TMEM154: variants seen among roughly 807,000 people sequenced by gnomAD.
TMEM154 encodes the protein transmembrane protein 154.
Under a neutral mutation model 24.5 loss-of-function variants are expected in TMEM154, and 27 were observed. That is an observed-to-expected ratio of 1.10 (90% CI 0.81 to 1.52). The LOEUF (loss-of-function observed/expected upper bound fraction) is 1.52, where lower values mean the gene tolerates loss of function less well. Among genes scored for constraint, TMEM154 ranks in the 40% most tolerant of loss-of-function variants. The pLI, the probability that TMEM154 is intolerant of heterozygous loss-of-function variation, is 0.00. For synonymous variants in TMEM154, 67 were observed against 76.8 expected (o/e 0.87, Z 0.67); for missense variants, 228 against 213.4 (o/e 1.07, Z -0.43).
chr4:152,658,904 A>G (rs375716092), intron 1 of TMEM154, among the ~76,000 whole-genome samples: 1 of 152,124 alleles, frequency 6.6e-6, no homozygotes, highest in Non-Finnish European at 1.5e-5. Context: ...ACTCTTACAC[A>G]CTGTTGGTGG....
chr4:152,641,932 T>TTTTTTTG, intron 5 of TMEM154, among the ~76,000 whole-genome samples: 1 of 120,254 alleles, frequency 8.3e-6, no homozygotes, highest in Non-Finnish European at 1.9e-5. Context: ...TTTTTTTTTT[T>TTTTTTTG]TTTTTGTTGA....
chr4:152,650,595 T>C (rs1728358852), intron 3 of TMEM154, among the ~76,000 whole-genome samples: 1 of 152,210 alleles, frequency 6.6e-6, no homozygotes, highest in Non-Finnish European at 1.5e-5. Flanking sequence ...ATACTGTTGA[T>C]GTTGATATTT....
intron 3 of TMEM154, among the ~76,000 whole-genome samples, chr4:152,650,025 C>T (rs191250364): frequency 2.0e-5 from 3 of 152,176 alleles, no homozygotes; most frequent in East Asian, 1.9e-4. Context: ...CTGAGCCTTC[C>T]GCAAGTTGTA....
At chr4:152,646,212 T>A (rs1285585591) in intron 3 of TMEM154, among the ~76,000 whole-genome samples, 2 of 152,058 alleles carry the variant, frequency 1.3e-5, no homozygotes, top group Admixed American at 1.3e-4. Context: ...CATGGATATA[T>A]CTTTATAATC....
At chr4:152,678,561 T>G (rs1728996090) in intron 1 of TMEM154, among the ~76,000 whole-genome samples, 22 of 146,646 alleles carry the variant, frequency 1.5e-4, no homozygotes, top group Admixed American at 2.7e-4. Context: ...TGGTGGGGGG[T>G]GGAGGAGCTC....
chr4:152,641,104 G>C (rs1388563420), intron 5 of TMEM154, 119 bp from the exon 6 acceptor site: 2 of 847,144 alleles, frequency 2.4e-6, no homozygotes, highest in Non-Finnish European at 3.6e-6. Flanking sequence ...CACAAAAATG[G>C]CCTCACCAAG....
chr4:152,654,986 A>T (rs1728461946), intron 1 of TMEM154, among the ~76,000 whole-genome samples: 2 of 152,364 alleles, frequency 1.3e-5, no homozygotes, highest in East Asian at 3.9e-4. Context: ...ACTACAGAGT[A>T]AACTCACTGG....
At chr4:152,634,336 T>C (rs1752107572) in intron 6 of TMEM154, among the ~76,000 whole-genome samples, 1 of 152,238 alleles carries the variant, frequency 6.6e-6, no homozygotes, top group Non-Finnish European at 1.5e-5. Flanking sequence ...TCTCCAAAGA[T>C]GGCAATAAAC....
At chr4:152,637,271 T>G (rs1158777232) in intron 6 of TMEM154, among the ~76,000 whole-genome samples, 2 of 152,112 alleles carry the variant, frequency 1.3e-5, no homozygotes, top group East Asian at 3.8e-4. Context: ...TACTGCCGGG[T>G]GCGGTGTCTC....
chr4:152,652,725 G>C lies in TMEM154; in HGVS notation c.267C>G (p.Leu89=), dbSNP rs1312155490. ...CAAGGAATACCACGGATAAAAGTAAGAGGACCAATAAAATCAATGGGATTA... is the reference window on the plus strand; with the variant it reads ...CAAGGAATACCACGGATAAAAGTAACAGGACCAATAAAATCAATGGGATTA... ...MVLIPLILLV[L]LLLSVVFLAT... is the part of the protein sequence containing the mutation. Residue 89 remains leucine (L), a synonymous_variant, in exon 2 of 7, where the codon CTC becomes CTG. Coordinates refer to ENST00000304385, the MANE Select transcript of TMEM154 (RefSeq NM_152680.3). 3 of 1,613,984 alleles carry C rather than the reference G, an allele frequency of 1.9e-6. No homozygotes were observed. The Admixed American group carries it at 5.0e-5, about 27-fold the overall frequency.
chr4:152,636,204 A>C (rs1052013343), intron 6 of TMEM154, among the ~76,000 whole-genome samples: 1 of 152,222 alleles, frequency 6.6e-6, no homozygotes, highest in Non-Finnish European at 1.5e-5. Context: ...TAAAACAATA[A>C]TAAAACCAAC....
intron 6 of TMEM154, among the ~76,000 whole-genome samples, chr4:152,636,051 CAGA>C (rs1460148966): frequency 6.6e-6 from 1 of 152,086 alleles, no homozygotes; most frequent in Non-Finnish European, 1.5e-5. Context: ...CAAATGCCTC[CAGA>C]AGAAGGAAGA....
chr4:152,647,736 G>A (rs149030516), intron 3 of TMEM154, among the ~76,000 whole-genome samples: 3 of 152,280 alleles, frequency 2.0e-5, no homozygotes, highest in African/African-American at 4.8e-5. Flanking sequence ...GTTAGGTAAA[G>A]GGATGATAAT....
rs568953719 is a variant in TMEM154 at position 152,650,769 on chromosome 4, C to T, written c.364+1769G>A. Among the ~76,000 whole-genome samples, 16 of 152,262 alleles carry T rather than the reference C, an allele frequency of 1.1e-4. No homozygotes were observed. The South Asian group carries it at 3.3e-3, about 32-fold the overall frequency. On this transcript the variant is annotated intron_variant, in intron 3 of 6. Transcript: ENST00000304385. ...ATAAGACTTGAAATTCAAAATGACT[C>T]CTTAATCCATGGGCTGCAGAATGGA...
intron 1 of TMEM154, among the ~76,000 whole-genome samples, chr4:152,654,171 A>T (rs938059314): frequency 6.6e-6 from 1 of 152,236 alleles, no homozygotes; most frequent in Admixed American, 6.5e-5. Flanking sequence ...GATAAGCTGA[A>T]GGTCTTTGTC....
At chr4:152,677,363 C>T (rs982000215) in intron 1 of TMEM154, among the ~76,000 whole-genome samples, 1 of 152,160 alleles carries the variant, frequency 6.6e-6, no homozygotes, top group Admixed American at 6.5e-5. Flanking sequence ...ATTTGAGATA[C>T]ATCTCAGAGT....
intron 6 of TMEM154, among the ~76,000 whole-genome samples, chr4:152,638,606 G>C (rs148506906): frequency 6.6e-6 from 1 of 152,328 alleles, no homozygotes; most frequent in East Asian, 1.9e-4. Flanking sequence ...AATTATACTA[G>C]CAATAACCAG....
intron 1 of TMEM154, among the ~76,000 whole-genome samples, chr4:152,679,067 A>C (rs879398406): frequency 4.6e-5 from 7 of 152,234 alleles, no homozygotes; most frequent in Non-Finnish European, 7.3e-5. Flanking sequence ...TATTTGCCCA[A>C]AGGCAAGTCA....
In TMEM154 at chr4:152,652,835, T is replaced by A. The variant is rs1458172072; in HGVS notation, c.157A>T (p.Thr53Ser). 6.2e-7 allele frequency: 1 copy of A among 1,614,098 alleles called. No homozygotes were observed. Among genetic ancestry groups the A allele is most frequent in the Admixed American group, 1.7e-5 (1 of 60,028 alleles). The change falls in exon 2 of 7, where the codon ACC becomes TCC. Residue 53 changes from threonine to serine, a missense_variant. Transcript: ENST00000304385. ...VTIPSTFAAVTIKETLNANIN... is the reference protein window; with the variant it reads ...VTIPSTFAAVSIKETLNANIN... ...TTTGCATTTAATGTTTCTTTGATGG[T>A]CACTGCAGCAAATGTGCTTGGAATA...
Sources: allele counts gnomAD v4.1 joint callset (sites outside exome capture counted in the v4.1 genomes callset), GRCh38; gene constraint gnomAD v4.1.1; transcripts MANE v1.5; gene names NCBI Gene and HGNC (gene_info 2026-07-23, HGNC 2026-07-21).